SPAM1: variants seen among roughly 807,000 people sequenced by gnomAD.
SPAM1 encodes the protein sperm adhesion molecule 1, also known as hyaluronidase PH-20.
A neutral mutation model predicts 29.6 loss-of-function variants in SPAM1; 22 were observed. The ratio of observed to expected loss-of-function variants is 0.74; its 90% CI spans 0.53 to 1.06. SPAM1 has a LOEUF of 1.06. Among genes scored for constraint, SPAM1 ranks in the 50% least tolerant of loss-of-function variants. The pLI is 0.00. For missense variants in SPAM1, 534 were observed against 604.0 expected (o/e 0.88, Z 1.21); for synonymous variants, 194 against 204.6 (o/e 0.95, Z 0.44).
At chr7:123,948,840 G>A (rs1808673558) in intron 1 of SPAM1, among the ~76,000 whole-genome samples, 1 of 152,016 alleles carries the variant, frequency 6.6e-6, no homozygotes, top group African/African-American at 2.4e-5. Context: ...AATTCCAAAA[G>A]GTAGATTCTG....
chr7:123,950,953 G>T (rs1808742466), intron 2 of SPAM1, among the ~76,000 whole-genome samples: 1 of 152,044 alleles, frequency 6.6e-6, no homozygotes, highest in Admixed American at 6.5e-5. Flanking sequence ...TAGCCATTCT[G>T]ACTGGTGTAA....
rs1202711876 is a variant in SPAM1 at position 123,959,638 on chromosome 7, T to A, written c.1199T>A (p.Leu400His). The A allele has an allele frequency of 6.2e-7, 1 of 1,613,304 alleles. No individual in the cohort carries two copies. Among genetic ancestry groups the A allele is most frequent in the Non-Finnish European group, 8.5e-7 (1 of 1,179,558 alleles). The change falls in exon 5 of 5, where the codon CTC (leucine) becomes CAC (histidine). Residue 400 changes from leucine to histidine, a missense_variant. By Grantham distance (99) the Leu-to-His change is moderately conservative. Transcript: ENST00000682466. Reference protein sequence around the residue: ...KNWNSSDYLHLNPDNFAIQLE... With the variant: ...KNWNSSDYLHHNPDNFAIQLE... ...TGGAATTCAAGTGACTATCTTCACC[T>A]CAACCCAGATAATTTTGCTATTCAA...
At chr7:123,941,568 G>GT (rs750229895) in intron 1 of SPAM1, among the ~76,000 whole-genome samples, 2 of 152,198 alleles carry the variant, frequency 1.3e-5, no homozygotes, top group African/African-American at 2.4e-5. Context: ...GTGAGCCTCA[G>GT]TGGGCTGACT....
rs993924325 is a variant in SPAM1 at position 123,970,035 on chromosome 7, A to C, written c.1486-163A>C. Among the ~76,000 whole-genome samples the C allele has an allele frequency of 2.0e-5, 3 of 152,124 alleles. No individual in the cohort carries two copies. The East Asian group carries it at 5.8e-4, about 30-fold the overall frequency. On this transcript the variant is annotated intron_variant, in intron 5 of 6. Transcript: ENST00000340011. ...TATATCTTCTTCTATGCCCCAGCTT[A>C]GTGTTTCCTTAAGTCCTTTAGTCCG...
intron 1 of SPAM1, among the ~76,000 whole-genome samples, chr7:123,946,615 G>A (rs2117047208): frequency 1.3e-5 from 2 of 152,262 alleles, no homozygotes; most frequent in Middle Eastern, 6.8e-3. Context: ...TGAGACATCA[G>A]TCAGTATGTG....
At chr7:123,929,895 A>ATTTTTTTTTTTTTTTTTTTTTTTT (rs71163712) in intron 1 of SPAM1, among the ~76,000 whole-genome samples, 1 of 119,830 alleles carries the variant, frequency 8.3e-6, no homozygotes. Flanking sequence ...GTGTTTAGGG[A>ATTTTTTTTTTTTTTTTTTTTTTTT]TTTTTTTTTT....
chr7:123,970,203 G>C (rs1306570040), exon 6 of SPAM1: 1 of 1,548,930 alleles, frequency 6.5e-7, no homozygotes, highest in African/African-American at 1.4e-5. Context: ...TACAGTGGAG[G>C]CTGGAAGTCT....
At chr7:123,927,263 A>G (rs1807916509) in intron 1 of SPAM1, among the ~76,000 whole-genome samples, 1 of 152,164 alleles carries the variant, frequency 6.6e-6, no homozygotes, top group African/African-American at 2.4e-5. Context: ...TGAATACCCA[A>G]AACAATCCTA....
rs1287492496 is a variant in SPAM1 at position 123,953,613 on chromosome 7, G to A, written c.43G>A (p.Val15Ile). 1.4e-5 allele frequency: 22 copies of A among 1,601,272 alleles called. No individual in the cohort carries two copies. The highest frequency in any genetic ancestry group is 1.8e-5 in the Non-Finnish European group (21 of 1,176,356). Reference sequence around the variant, plus strand: ...CAAGCACATCTTTTTCAGAAGCTTTGTTAAATCAAGTGGAGTATCCCAGAT... The same window carrying A: ...CAAGCACATCTTTTTCAGAAGCTTTATTAAATCAAGTGGAGTATCCCAGAT... ...KFKHIFFRSF[V>I]KSSGVSQIVF... Residue 15 changes from valine to isoleucine, a missense_variant, in exon 3 of 5, where the codon GTT (valine) becomes ATT (isoleucine). Physicochemically the swap from Val to Ile is conservative, Grantham distance 29. Coordinates refer to ENST00000682466, the MANE Select transcript of SPAM1 (RefSeq NM_153189.3).
At chr7:123,927,778 T>C (rs1044123684) in intron 1 of SPAM1, among the ~76,000 whole-genome samples, 3 of 152,170 alleles carry the variant, frequency 2.0e-5, no homozygotes, top group African/African-American at 7.2e-5. Flanking sequence ...AGGGTCGAAA[T>C]TGGTTTTACA....
In SPAM1 at chr7:123,953,579, G is replaced by A. The variant is rs34404662; in HGVS notation, c.9G>A (p.Val3=). The change falls in exon 3 of 5, where the codon GTG becomes GTA. Residue 3 remains valine, a synonymous_variant. Coordinates refer to ENST00000682466, the MANE Select transcript of SPAM1 (RefSeq NM_153189.3). MG[V]LKFKHIFFRS... is the part of the protein sequence containing the mutation. Reference sequence around the variant, plus strand: ...AGTCATTACTCTTTACAATGGGAGTGCTAAAATTCAAGCACATCTTTTTCA... The same window carrying A: ...AGTCATTACTCTTTACAATGGGAGTACTAAAATTCAAGCACATCTTTTTCA... 0.022 allele frequency: 34,867 copies of A among 1,587,166 alleles called. 479 individuals carry two copies. Among genetic ancestry groups the A allele is most frequent in the Middle Eastern group, 0.054 (316 of 5,864 alleles).
intron 4 of SPAM1, 63 bp downstream of exon 4, chr7:123,955,149 T>C (rs1441830363): frequency 1.5e-5 from 18 of 1,201,618 alleles, no homozygotes; most frequent in Non-Finnish European, 2.2e-5. Flanking sequence ...TGGGGATTGT[T>C]TTGGTATTAA....
chr7:123,943,352 A>G (rs1465963786), intron 1 of SPAM1, among the ~76,000 whole-genome samples: 1 of 152,156 alleles, frequency 6.6e-6, no homozygotes, highest in Non-Finnish European at 1.5e-5. Flanking sequence ...TGAAAAGGAT[A>G]AAAATAAAAC....
intron 1 of SPAM1, among the ~76,000 whole-genome samples, chr7:123,938,320 A>G (rs1293105587): frequency 6.6e-6 from 1 of 152,184 alleles, no homozygotes; most frequent in African/African-American, 2.4e-5. Flanking sequence ...TTTTAGGAAG[A>G]TAAATAATAA....
At chr7:123,952,785 G>A (rs950873158) in intron 2 of SPAM1, among the ~76,000 whole-genome samples, 2 of 151,702 alleles carry the variant, frequency 1.3e-5, no homozygotes, top group South Asian at 2.1e-4. Flanking sequence ...ATCGAGCAGC[G>A]TACCAAGGAG....
At chr7:123,944,403 A>T (rs1178976696) in intron 1 of SPAM1, among the ~76,000 whole-genome samples, 1 of 152,180 alleles carries the variant, frequency 6.6e-6, no homozygotes, top group Non-Finnish European at 1.5e-5. Context: ...TTAATTAAAT[A>T]AAAATTTAAT....
downstream of SPAM1, among the ~76,000 whole-genome samples, chr7:123,964,850 T>C (rs889231899): frequency 1.3e-5 from 2 of 152,038 alleles, no homozygotes; most frequent in Non-Finnish European, 2.9e-5. Flanking sequence ...AAAATAAATA[T>C]ATAATTTTTG....
At chr7:123,932,643 T>C (rs79143591) in intron 1 of SPAM1, among the ~76,000 whole-genome samples, 121 of 152,324 alleles carry the variant, frequency 7.9e-4, no homozygotes, top group Non-Finnish European at 1.2e-3. Context: ...TTAAAGAAAT[T>C]AAACTCTGAT....
At chr7:123,934,229 G>T (rs986062287) in intron 1 of SPAM1, among the ~76,000 whole-genome samples, 1 of 152,016 alleles carries the variant, frequency 6.6e-6, no homozygotes, top group Non-Finnish European at 1.5e-5. Context: ...ATGCATAACT[G>T]TATATAAAAA....
Sources: gnomAD v4.1 joint callset for allele counts (sites outside exome capture counted in the v4.1 genomes callset) on GRCh38, gnomAD v4.1.1 for gene constraint, MANE v1.5 for transcripts, NCBI Gene and HGNC (gene_info 2026-07-23, HGNC 2026-07-21) for gene names.